Variants in TRHDE observed in about 807,000 individuals in gnomAD.
TRHDE encodes the protein thyrotropin-releasing hormone-degrading ectoenzyme.
In TRHDE, 72 loss-of-function variants were observed where a neutral mutation model predicts 125.7. The ratio of observed to expected loss-of-function variants is 0.57; its 90% CI spans 0.47 to 0.70. The LOEUF (loss-of-function observed/expected upper bound fraction) is 0.70, where lower values mean the gene tolerates loss of function less well. Ranked by LOEUF, TRHDE falls within the 30% of genes least tolerant of loss-of-function variation. The pLI, the probability that TRHDE is intolerant of heterozygous loss-of-function variation, is 0.00. For missense variants in TRHDE, 1,110 were observed against 1,327.1 expected, an observed-to-expected ratio of 0.84 and a Z score of 2.54; for synonymous variants, 509 against 509.1, an observed-to-expected ratio of 1.00 and a Z score of 0.00.
At chr12:72,605,782 G>A (rs1034036329) in intron 12 of TRHDE, among the ~76,000 whole-genome samples, 1 of 151,986 alleles carries the variant, frequency 6.6e-6, no homozygotes. Context: ...ACACATAGAA[G>A]GTGTGTCCTT....
intron 2 of TRHDE, among the ~76,000 whole-genome samples, chr12:72,106,621 G>T (rs1875193903): frequency 6.6e-6 from 1 of 152,064 alleles, no homozygotes; most frequent in Non-Finnish European, 1.5e-5. Context: ...TCTTTTACCT[G>T]TTTGAAACCT....
chr12:72,622,359 A>G (rs1873087972), intron 15 of TRHDE, among the ~76,000 whole-genome samples: 1 of 152,132 alleles, frequency 6.6e-6, no homozygotes, highest in Non-Finnish European at 1.5e-5. Flanking sequence ...TGAAAGGAAT[A>G]CTAAACATAA....
intron 6 of TRHDE, among the ~76,000 whole-genome samples, chr12:72,536,113 T>C (rs192413955): frequency 2.6e-5 from 4 of 152,254 alleles, no homozygotes; most frequent in Admixed American, 1.3e-4. Flanking sequence ...ACATTTGTAG[T>C]GTAGACTATA....
At chr12:72,505,273 CT>C (rs1878312252) in intron 6 of TRHDE, among the ~76,000 whole-genome samples, 1 of 152,074 alleles carries the variant, frequency 6.6e-6, no homozygotes, top group Non-Finnish European at 1.5e-5. Context: ...CAAATTAGAT[CT>C]GGTGAAATAA....
At chr12:72,558,409 A>G (rs74105905) in intron 7 of TRHDE, among the ~76,000 whole-genome samples, 2,248 of 152,316 alleles carry the variant, frequency 0.015, 55 homozygotes, top group African/African-American at 0.051. Flanking sequence ...TAAAATATCC[A>G]TTAGGCATCT....
rs1193173754 is a variant in TRHDE, at chr12:72,551,116, T to A, written c.1788+8760T>A. On this transcript the variant is annotated intron_variant, in intron 7 of 18. Coordinates refer to ENST00000261180, the MANE Select transcript of TRHDE (RefSeq NM_013381.3). ...AAACTATAACATATTTACTACAAAC[T>A]ATTTTTCCTCTATATTTAATATGTC... 5.3e-5 allele frequency among the ~76,000 whole-genome samples: 8 copies of A among 152,252 alleles called. No individual in the cohort carries two copies. The East Asian group carries it at 1.4e-3, about 26-fold the overall frequency.
intron 6 of TRHDE, among the ~76,000 whole-genome samples, chr12:72,520,565 C>T (rs555967340): frequency 2.5e-4 from 38 of 152,284 alleles, no homozygotes; most frequent in South Asian, 8.3e-4. Context: ...GAGATGAACC[C>T]GGTACCTCAG....
intron 6 of TRHDE, among the ~76,000 whole-genome samples, chr12:72,525,813 A>T (rs534298365): frequency 6.6e-6 from 1 of 152,252 alleles, no homozygotes; most frequent in South Asian, 2.1e-4. Flanking sequence ...ACAAAAAGAA[A>T]ATATAGTTTA....
At chr12:72,353,547 T>C (rs2135743048) in intron 2 of TRHDE, among the ~76,000 whole-genome samples, 1 of 151,720 alleles carries the variant, frequency 6.6e-6, no homozygotes. Flanking sequence ...TAGTCATTCC[T>C]ACTTTACAAA....
chr12:72,258,473 T>C (rs928568257), intron 2 of TRHDE, among the ~76,000 whole-genome samples: 2 of 152,170 alleles, frequency 1.3e-5, no homozygotes, highest in Admixed American at 6.5e-5. Context: ...TTTCTTGGCT[T>C]ATATAACTTT....
chr12:72,663,122 A>C lies in TRHDE; in HGVS notation c.3137A>C (p.Glu1046Ala). 1 of 1,613,318 alleles carries C rather than the reference A, an allele frequency of 6.2e-7. No homozygotes were observed. Among genetic ancestry groups the C allele is most frequent in the East Asian group, 2.2e-5 (1 of 44,826 alleles). The stretch of plus-strand genomic sequence containing the variant: ...TTCTCACGAGCTGTGGAAACTGTCG[A>C]AGCCAATGTGCGCTGGAAAATGCTT... ...ASFSRAVETV[E>A]ANVRWKMLYQ... Residue 1046 changes from glutamate (E) to alanine (A), a missense_variant, in exon 19 of 19, where the codon GAA (glutamate) becomes GCA (alanine). Glu to Ala is a moderately radical substitution (Grantham distance 107). This residue lies in a region of TRHDE where 527 missense variants were observed against 651.8 expected (regional missense o/e 0.81). Coordinates refer to ENST00000261180, the MANE Select transcript of TRHDE (RefSeq NM_013381.3).
intron 2 of TRHDE, among the ~76,000 whole-genome samples, chr12:72,311,331 A>T (rs1210246110): frequency 6.6e-6 from 1 of 152,152 alleles, no homozygotes; most frequent in African/African-American, 2.4e-5. Flanking sequence ...TTTATCCAAC[A>T]TCTGTACATG....
chr12:72,370,829 G>A (rs1330031606), intron 2 of TRHDE, among the ~76,000 whole-genome samples: 1 of 151,364 alleles, frequency 6.6e-6, no homozygotes, highest in Admixed American at 6.6e-5. Flanking sequence ...TGCAACCTCT[G>A]CCTGCACCGT....
chr12:72,150,388 T>C (rs1435923904), intron 2 of TRHDE, among the ~76,000 whole-genome samples: 2 of 151,678 alleles, frequency 1.3e-5, no homozygotes, highest in Non-Finnish European at 2.9e-5. Context: ...AAAGTATGGG[T>C]AGTGAGTCTT....
intron 7 of TRHDE, among the ~76,000 whole-genome samples, chr12:72,554,486 T>C (rs1346920230): frequency 6.6e-6 from 1 of 152,196 alleles, no homozygotes; most frequent in Non-Finnish European, 1.5e-5. Context: ...ATATATCTTC[T>C]TTCTCAACTA....
intron 2 of TRHDE, among the ~76,000 whole-genome samples, chr12:72,167,035 G>A (rs1011670013): frequency 6.6e-6 from 1 of 151,572 alleles, no homozygotes. Context: ...GAAATAGGTA[G>A]ATGACCCTTT....
chr12:72,369,450 G>A (rs376219837), intron 2 of TRHDE, among the ~76,000 whole-genome samples: 98 of 152,132 alleles, frequency 6.4e-4, no homozygotes, highest in African/African-American at 2.2e-3. Flanking sequence ...GTGTTGTCAA[G>A]GGAAATAAAA....
At chr12:72,380,173 T>G (rs992814379) in intron 3 of TRHDE, among the ~76,000 whole-genome samples, 30 of 152,286 alleles carry the variant, frequency 2.0e-4, no homozygotes, top group African/African-American at 6.5e-4. Context: ...CTACCCTTTC[T>G]ACATGCCCTA....
At chr12:72,240,293 CCTT>C (rs1878448953) in intron 2 of TRHDE, among the ~76,000 whole-genome samples, 1 of 133,428 alleles carries the variant, frequency 7.5e-6, no homozygotes, top group Non-Finnish European at 1.6e-5. Context: ...CAGGGTATGT[CCTT>C]CTCACATTTT....
Sources: allele counts gnomAD v4.1 joint callset (sites outside exome capture counted in the v4.1 genomes callset), GRCh38; gene constraint gnomAD v4.1.1; regional missense constraint gnomAD v4.1.1; transcripts MANE v1.5; gene names NCBI Gene and HGNC (gene_info 2026-07-23, HGNC 2026-07-21).